Variants in TENM2 observed in about 807,000 individuals in gnomAD.
TENM2 encodes teneurin-2.
TENM2 carries 52 observed loss-of-function variants against 245.2 expected under a neutral mutation model. That is an observed-to-expected ratio of 0.21 (90% confidence interval 0.17 to 0.27). The LOEUF is 0.27. TENM2 is among the 10% of genes least tolerant of loss of function. The pLI is 1.00. For missense variants in TENM2, 3,046 were observed against 3,666.8 expected, an observed-to-expected ratio of 0.83 and a Z score of 4.37; for synonymous variants, 1,363 against 1,438.9, an observed-to-expected ratio of 0.95 and a Z score of 1.19.
the TENM2 span, among the ~76,000 whole-genome samples, chr5:167,075,288 G>A: frequency 6.6e-6 from 1 of 152,010 alleles, no homozygotes; most frequent in African/African-American, 2.4e-5. Context: ...CTTCCTAGAG[G>A]GTTTCCCCGT....
chr5:168,184,667 A>T (rs768925657), intron 13 of TENM2, among the ~76,000 whole-genome samples: 99 of 152,322 alleles, frequency 6.5e-4, no homozygotes, highest in Non-Finnish European at 1.3e-3. Context: ...AGCCTCCTCC[A>T]GGCAGAAAGG....
chr5:168,158,069 C>A (rs1435775773), intron 12 of TENM2, among the ~76,000 whole-genome samples: 1 of 152,080 alleles, frequency 6.6e-6, no homozygotes, highest in Non-Finnish European at 1.5e-5. Context: ...ATTACAGGCA[C>A]CTGCCACCAC....
chr5:168,162,852 A>G (rs1757873302), intron 13 of TENM2, 95 bp downstream of exon 15: 2 of 1,394,290 alleles, frequency 1.4e-6, no homozygotes, highest in East Asian at 2.3e-5. Context: ...CCTCCCCTGC[A>G]CTATTGTCAA....
intron 2 of TENM2, among the ~76,000 whole-genome samples, chr5:167,514,283 G>A (rs76129982): frequency 0.018 from 2,670 of 152,160 alleles, 41 homozygotes; most frequent in Non-Finnish European, 0.028. Flanking sequence ...GAGAAAACAC[G>A]GAAGTGAACA....
At chr5:168,179,099 C>T (rs1284940221) in intron 13 of TENM2, among the ~76,000 whole-genome samples, 1 of 142,840 alleles carries the variant, frequency 7.0e-6, no homozygotes, top group Non-Finnish European at 1.5e-5. Context: ...CGAGCCACTG[C>T]ACCCCAGCCT....
At chr5:167,231,499 G>A in the TENM2 span, among the ~76,000 whole-genome samples, 2 of 152,180 alleles carry the variant, frequency 1.3e-5, no homozygotes, top group Admixed American at 6.5e-5. Context: ...TCCTCCCCTA[G>A]AGATCTTTGG....
chr5:167,611,434 C>G (rs1777471113), intron 2 of TENM2, among the ~76,000 whole-genome samples: 1 of 151,992 alleles, frequency 6.6e-6, no homozygotes, highest in Non-Finnish European at 1.5e-5. Flanking sequence ...CCAGGAGGTG[C>G]CACAGAAGGA....
At chr5:168,198,906 C>A (rs967492464) in exon 16 of TENM2, 1 of 1,613,932 alleles carries the variant, frequency 6.2e-7, no homozygotes, top group Non-Finnish European at 8.5e-7. Flanking sequence ...TTTGAGCGAG[C>A]CCCGTTCATG....
the TENM2 span, among the ~76,000 whole-genome samples, chr5:167,173,288 C>T: frequency 6.6e-6 from 1 of 152,192 alleles, no homozygotes; most frequent in Non-Finnish European, 1.5e-5. Context: ...CTTTTCTAAA[C>T]CCCAACTTCC....
intron 5 of TENM2, among the ~76,000 whole-genome samples, chr5:168,003,576 A>C (rs941187607): frequency 6.6e-6 from 1 of 152,214 alleles, no homozygotes; most frequent in Non-Finnish European, 1.5e-5. Context: ...GGCACCCAGC[A>C]TACCAAATTA....
the TENM2 span, among the ~76,000 whole-genome samples, chr5:167,159,457 G>A: frequency 7.2e-5 from 11 of 152,110 alleles, no homozygotes; most frequent in Admixed American, 5.2e-4. Flanking sequence ...CCTGAAAAAC[G>A]CAAGGAGAGT....
rs190989663 is a variant in TENM2 at position 167,680,538 on chromosome 5, C to T, written c.503-195448C>T. Reference sequence around the variant, plus strand: ...TAAAGACCGAGAAATATCTTAAGCACGGAGTGACACGAGGAGATGCACAGT... The same window carrying T: ...TAAAGACCGAGAAATATCTTAAGCATGGAGTGACACGAGGAGATGCACAGT... On this transcript the variant is annotated intron_variant, in intron 2 of 28. Coordinates refer to ENST00000518659, the Ensembl canonical transcript of TENM2. Among the ~76,000 whole-genome samples the T allele has an allele frequency of 8.7e-4, 132 of 152,106 alleles. 1 individual carries two copies. The highest frequency in any genetic ancestry group is 3.0e-3 in the African/African-American group (123 of 41,502).
chr5:167,940,713 G>T (rs1160133453), intron 3 of TENM2, among the ~76,000 whole-genome samples: 1 of 152,160 alleles, frequency 6.6e-6, no homozygotes, highest in Non-Finnish European at 1.5e-5. Context: ...GCTTGAATCT[G>T]CAGGAAAGAG....
chr5:168,207,876 A>C (rs1319702063), intron 19 of TENM2, among the ~76,000 whole-genome samples: 2 of 152,160 alleles, frequency 1.3e-5, no homozygotes, highest in Non-Finnish European at 2.9e-5. Flanking sequence ...TATACACTTA[A>C]ATAACTTCTG....
intron 2 of TENM2, among the ~76,000 whole-genome samples, chr5:167,477,583 A>G (rs748407112): frequency 6.6e-6 from 1 of 152,188 alleles, no homozygotes; most frequent in Non-Finnish European, 1.5e-5. Context: ...TATCTACAAA[A>G]TAAGTTTGGT....
In TENM2 at chr5:168,262,404, G is replaced by A. The variant is rs370494324; in HGVS notation, c.7919G>A (p.Arg2640His). 2.1e-5 allele frequency: 33 copies of A among 1,587,984 alleles called. No individual in the cohort carries two copies. The African/African-American group carries it at 2.2e-4, about 10-fold the overall frequency. Residue 2640 changes from arginine (R) to histidine (H), a missense_variant, in exon 29 of 29, where the codon CGC (arginine) becomes CAC (histidine). Arg to His is a conservative substitution (Grantham distance 29). Around this residue, in one of 2 missense-constraint regions of TENM2, gnomAD observed 2,704 missense variants for 3,331.9 expected, o/e 0.81. Transcript: ENST00000518659. ...GTCACACTAGGCACCACCATCGGCC[G>A]CAAGGTGCTAGAGAGCGGGGTGAAC...
At chr5:167,676,840 G>T (rs923300475) in intron 2 of TENM2, among the ~76,000 whole-genome samples, 1 of 152,052 alleles carries the variant, frequency 6.6e-6, no homozygotes, top group South Asian at 2.1e-4. Context: ...CCTTGAAAAC[G>T]TTGTGATTAT....
Position 167,679,560 on chromosome 5 carries a change from C to T in TENM2, c.503-196426C>T, listed in dbSNP as rs184929039. Among the ~76,000 whole-genome samples the T allele has an allele frequency of 2.9e-3, 446 of 152,184 alleles. 1 individual carries two copies. The highest frequency in any genetic ancestry group is 6.8e-3 in the Middle Eastern group (2 of 294). Reference sequence around the variant, plus strand: ...ATTTCAACATAATATATTCATAATTCCACTCTTACCAGTTTTCTCTCTTGG... The same window carrying T: ...ATTTCAACATAATATATTCATAATTTCACTCTTACCAGTTTTCTCTCTTGG... On this transcript the variant is annotated intron_variant, in intron 2 of 28. Transcript: ENST00000518659.
chr5:167,884,173 G>A (rs1774099806), intron 3 of TENM2, among the ~76,000 whole-genome samples: 1 of 152,146 alleles, frequency 6.6e-6, no homozygotes, highest in Admixed American at 6.5e-5. Context: ...GTTAAAAGAG[G>A]CTTAGACAAT....
Sources: allele counts gnomAD v4.1 joint callset (sites outside exome capture counted in the v4.1 genomes callset), GRCh38; gene constraint gnomAD v4.1.1; regional missense constraint gnomAD v4.1.1; transcripts MANE v1.5; gene names NCBI Gene and HGNC (gene_info 2026-07-23, HGNC 2026-07-21).